The following IL15RA variants were observed in gnomAD, a reference collection of about 807,000 sequenced individuals.
IL15RA encodes the protein interleukin 15 receptor subunit alpha, also known as interleukin-15 receptor subunit alpha.
A neutral mutation model predicts 24.2 loss-of-function variants in IL15RA; 26 were observed. That is an observed-to-expected ratio of 1.07 (90% CI 0.79 to 1.49). The LOEUF (loss-of-function observed/expected upper bound fraction) is 1.49. Ranked by LOEUF, IL15RA falls within the 40% of genes most tolerant of loss-of-function variation. The pLI, the probability that IL15RA is intolerant of heterozygous loss-of-function variation, is 0.00. For missense variants in IL15RA, 354 were observed against 356.4 expected (o/e 0.99, Z 0.05); for synonymous variants, 166 against 157.6 (o/e 1.05, Z -0.40).
At chr10:5,976,291 T>TGGGGGGGGGGGGGGGGGG (rs983289122) in intron 1 of IL15RA, among the ~76,000 whole-genome samples, 1 of 106,358 alleles carries the variant, frequency 9.4e-6, no homozygotes, top group African/African-American at 3.6e-5. Flanking sequence ...TGGCAGAGGG[T>TGGGGGGGGGGGGGGGGGG]GGGGGGGCGT....
In IL15RA at chr10:5,962,210, C is replaced by T. The variant is rs1221037037; in HGVS notation, c.382+1533G>A. The stretch of plus-strand genomic sequence containing the variant: ...ATGGAGCCAGCCCCTCAACCCCTTC[C>T]TCCCTGTGCAGGTGACTCACTAGGA... On this transcript the variant is annotated intron_variant, in intron 3 of 6. Coordinates refer to ENST00000379977, the MANE Select transcript of IL15RA (RefSeq NM_002189.4). The surrounding 1 kb of genome is among the most constrained non-coding windows in gnomAD (Gnocchi z 5.2). Among the ~76,000 whole-genome samples, 1 of 152,192 alleles carries T rather than the reference C, an allele frequency of 6.6e-6. No homozygotes were observed. The highest frequency in any genetic ancestry group is 1.5e-5 in the Non-Finnish European group (1 of 68,036).
Position 5,953,008 on chromosome 10 carries a change from G to A in IL15RA, c.*87C>T, listed in dbSNP as rs1434684653. The A allele has an allele frequency of 7.1e-6, 7 of 990,594 alleles. No individual in the cohort carries two copies. The highest frequency in any genetic ancestry group is 1.1e-5 in the Non-Finnish European group (7 of 632,224). 61.4% of individuals were successfully genotyped at this position (990,594 alleles called of 1,614,324 possible). On this transcript the variant is annotated 3_prime_UTR_variant, in exon 7 of 7. Coordinates refer to ENST00000379977, the MANE Select transcript of IL15RA (RefSeq NM_002189.4). This position sits in a 1 kb window ranked among gnomAD's most constrained non-coding sequence, Gnocchi z 5.3. ...CCTGGTGAGCTTGCTCCTGGAGCCC[G>A]CTTCCTTGCACCTCTTCTCAGTCGT...
In IL15RA at chr10:5,955,605, A is replaced by T. The variant is rs1834402689; in HGVS notation, c.692+774T>A. Among the ~76,000 whole-genome samples, 1 of 152,236 alleles carries T rather than the reference A, an allele frequency of 6.6e-6. No homozygotes were observed. Among genetic ancestry groups the T allele is most frequent in the Non-Finnish European group, 1.5e-5 (1 of 68,040 alleles). On this transcript the variant is annotated intron_variant, in intron 6 of 6. Transcript: ENST00000379977. The surrounding 1 kb of genome is among the most constrained non-coding windows in gnomAD (Gnocchi z 5.3). ...CAAAGAATAATAATACTGCCTAAAG[A>T]TTAAAAAAATGAGAAAAATTAAAAA...
Position 5,973,626 on chromosome 10 carries a change from A to G in IL15RA, c.88+3779T>C, listed in dbSNP as rs1212051279. Among the ~76,000 whole-genome samples the G allele has an allele frequency of 6.6e-6, 1 of 152,234 alleles. No individual in the cohort carries two copies. The highest frequency in any genetic ancestry group is 1.5e-5 in the Non-Finnish European group (1 of 68,044). On this transcript the variant is annotated intron_variant, in intron 1 of 6. Coordinates refer to ENST00000379977, the MANE Select transcript of IL15RA (RefSeq NM_002189.4). The surrounding 1 kb of genome is among the most constrained non-coding windows in gnomAD (Gnocchi z 4.5). ...ATATATAGAAACAAACAAAATCCCA[A>G]AACAACCTTTAATTCATGCCTCACA...
intron 5 of IL15RA, among the ~76,000 whole-genome samples, chr10:5,957,121 G>A (rs1035957739): frequency 6.6e-6 from 1 of 151,720 alleles, no homozygotes; most frequent in Non-Finnish European, 1.5e-5. Context: ...CACCACGCCT[G>A]GCTAATTTTT....
At position 5,975,853 on chromosome 10, in the gene IL15RA, A is replaced by G. The variant is rs1323711588; in HGVS notation, c.88+1552T>C. 1.3e-5 allele frequency among the ~76,000 whole-genome samples: 2 copies of G among 152,190 alleles called. No individual in the cohort carries two copies. The highest frequency in any genetic ancestry group is 2.9e-5 in the Non-Finnish European group (2 of 68,030). On this transcript the variant is annotated intron_variant, in intron 1 of 6. Transcript: ENST00000379977. The surrounding 1 kb of genome is among the most constrained non-coding windows in gnomAD (Gnocchi z 4.8). ...GGTTGCAGTGAGCTGAGATCGCGCT[A>G]CTGCACCCCAGCCGGGGTGACAGAG... is the stretch of plus-strand genomic sequence containing the variant.
chr10:5,958,411 G>A lies in IL15RA; in HGVS notation c.616+1343C>T, dbSNP rs183346880. 5 of 404,266 alleles carry A rather than the reference G, an allele frequency of 1.2e-5. 1 individual carries two copies. Among genetic ancestry groups the A allele is most frequent in the South Asian group, 5.4e-5 (3 of 56,062 alleles). 25.0% of individuals were successfully genotyped at this position (404,266 alleles called of 1,614,324 possible). Reference sequence around the variant, plus strand: ...GCTTTTCGTCTTTTTTTTGAGACAGGGTCCTGTCCTGTTGCCCAGGCCAGA... The same window carrying A: ...GCTTTTCGTCTTTTTTTTGAGACAGAGTCCTGTCCTGTTGCCCAGGCCAGA... On this transcript the variant is annotated intron_variant, in intron 5 of 6. Coordinates refer to ENST00000379977, the MANE Select transcript of IL15RA (RefSeq NM_002189.4). The surrounding 1 kb of genome is among the most constrained non-coding windows in gnomAD (Gnocchi z 4.3).
chr10:5,976,130 G>T (rs576305816), intron 1 of IL15RA, among the ~76,000 whole-genome samples: 1 of 152,294 alleles, frequency 6.6e-6, no homozygotes, highest in East Asian at 1.9e-4. Context: ...TGCCCCAGTT[G>T]CCAGCTATGG....
Position 5,960,624 on chromosome 10 carries a change from C to T in IL15RA, c.383-57G>A. The T allele has an allele frequency of 2.7e-6, 4 of 1,466,536 alleles. No homozygotes were observed. The highest frequency in any genetic ancestry group is 1.9e-6 in the Non-Finnish European group (2 of 1,056,636). The allele number at this position is 1,466,536 out of a possible 1,614,324, so 90.8% of individuals were successfully genotyped here. A position where few individuals can be genotyped will look rare whatever the true frequency, so the allele number is the denominator to read the frequency against. The stretch of plus-strand genomic sequence containing the variant: ...AGTGTGCAGACTCCCCTCCTCTCAG[C>T]TGCAGCACGGGGTGATGTGGGAGCT... On this transcript the variant is annotated intron_variant, in intron 3 of 6. Transcript: ENST00000379977. The surrounding 1 kb of genome is among the most constrained non-coding windows in gnomAD (Gnocchi z 5.1).
Position 5,956,395 on chromosome 10 carries a change from A to G in IL15RA, c.676T>C (p.Cys226Arg), listed in dbSNP as rs770899865. 4 of 1,613,898 alleles carry G rather than the reference A, an allele frequency of 2.5e-6. No individual in the cohort carries two copies. The highest frequency in any genetic ancestry group is 1.3e-5 in the African/African-American group (1 of 75,044). The change falls in exon 6 of 7, where the codon TGC becomes CGC. Residue 226 changes from cysteine to arginine, a missense_variant. Transcript: ENST00000379977. ...GCAACTCACCTTGACTTGAGGTAGC[A>G]TGCCAGGAGAGACACAGCGCTCAGC... ...CGLSAVSLLA[C>R]YLKSRQTPPL...
At chr10:5,978,544 G>A (rs946844283), upstream of IL15RA, among the ~76,000 whole-genome samples, 25 of 152,136 alleles carry the variant, frequency 1.6e-4, no homozygotes, top group African/African-American at 6.0e-4. The surrounding 1 kb of genome is among the most constrained non-coding windows in gnomAD (Gnocchi z 5.2). Flanking sequence ...AATCCCCCAA[G>A]ACACAGGTTT....
In IL15RA at chr10:5,965,227, T is replaced by A. The variant is rs200266176; in HGVS notation, c.283+918A>T. Among the ~76,000 whole-genome samples, 1 of 149,376 alleles carries A rather than the reference T, an allele frequency of 6.7e-6. No homozygotes were observed. The highest frequency in any genetic ancestry group is 2.1e-4 in the South Asian group (1 of 4,710). ...GGACGTTTATCCAGGTGCAGACAGT[T>A]AAAAAAAAAAGTTGATTCTTGCCAC... On this transcript the variant is annotated intron_variant, in intron 2 of 6. Coordinates refer to ENST00000379977, the MANE Select transcript of IL15RA (RefSeq NM_002189.4). The surrounding 1 kb of genome is among the most constrained non-coding windows in gnomAD (Gnocchi z 5.8).
rs1220055096 is a variant in IL15RA at position 5,959,392 on chromosome 10, C to T, written c.616+362G>A. On this transcript the variant is annotated intron_variant, in intron 5 of 6. Transcript: ENST00000379977. This position sits in a 1 kb window ranked among gnomAD's most constrained non-coding sequence, Gnocchi z 4.1. ...CTGGAGAGGAATTGGCAGCTTCTGG[C>T]AGAGATGCTGTAACGTCAGTGCTGG... is the stretch of plus-strand genomic sequence containing the variant. 6.6e-6 allele frequency among the ~76,000 whole-genome samples: 1 copy of T among 152,092 alleles called. No homozygotes were observed. The highest frequency in any genetic ancestry group is 1.5e-5 in the Non-Finnish European group (1 of 68,016).
Position 5,964,419 on chromosome 10 carries a change from C to T in IL15RA, c.284-578G>A, listed in dbSNP as rs951565668. On this transcript the variant is annotated intron_variant, in intron 2 of 6. Coordinates refer to ENST00000379977, the MANE Select transcript of IL15RA (RefSeq NM_002189.4). This position sits in a 1 kb window ranked among gnomAD's most constrained non-coding sequence, Gnocchi z 5.6. ...TGGTCTCAAGAAATCCCTCCCATCT[C>T]GGCCTCCCAAAGTGCTGGGATTACA... Among the ~76,000 whole-genome samples, 5 of 152,142 alleles carry T rather than the reference C, an allele frequency of 3.3e-5. No individual in the cohort carries two copies. The East Asian group carries it at 5.8e-4, about 18-fold the overall frequency.
rs1202892467 is a variant in IL15RA, at chr10:5,975,493, T to C, written c.88+1912A>G. 2.0e-5 allele frequency among the ~76,000 whole-genome samples: 3 copies of C among 151,054 alleles called. No individual in the cohort carries two copies. The highest frequency in any genetic ancestry group is 4.4e-5 in the Non-Finnish European group (3 of 68,008). On this transcript the variant is annotated intron_variant, in intron 1 of 6. Coordinates refer to ENST00000379977, the MANE Select transcript of IL15RA (RefSeq NM_002189.4). This position sits in a 1 kb window ranked among gnomAD's most constrained non-coding sequence, Gnocchi z 4.8. ...ACTCTTGGTGGTGGCAGTGGTTTCATGAGTATGTATGCATTTACCTCCAAA... is the reference window on the plus strand; with the variant it reads ...ACTCTTGGTGGTGGCAGTGGTTTCACGAGTATGTATGCATTTACCTCCAAA...
intron 6 of IL15RA, among the ~76,000 whole-genome samples, chr10:5,954,186 T>TCTC (rs530226699): frequency 7.2e-6 from 1 of 138,150 alleles, no homozygotes. Context: ...TTTTTTTTTT[T>TCTC]TCTGAGACAG....
rs1232989031 is a variant in IL15RA at position 5,975,262 on chromosome 10, T to C, written c.88+2143A>G. Among the ~76,000 whole-genome samples the C allele has an allele frequency of 6.6e-6, 1 of 152,240 alleles. No individual in the cohort carries two copies. The highest frequency in any genetic ancestry group is 1.5e-5 in the Non-Finnish European group (1 of 68,044). On this transcript the variant is annotated intron_variant, in intron 1 of 6. Transcript: ENST00000379977. This position sits in a 1 kb window ranked among gnomAD's most constrained non-coding sequence, Gnocchi z 4.8. ...ACTACTACTCAATGGTAGAAACTAATGAACTACTTATACAAATTACAACAT... is the reference window on the plus strand; with the variant it reads ...ACTACTACTCAATGGTAGAAACTAACGAACTACTTATACAAATTACAACAT...
chr10:5,958,153 G>A lies in IL15RA; in HGVS notation c.616+1601C>T. On this transcript the variant is annotated intron_variant, in intron 5 of 6. Transcript: ENST00000379977. The surrounding 1 kb of genome is among the most constrained non-coding windows in gnomAD (Gnocchi z 4.3). Reference sequence around the variant, plus strand: ...GGAATTCCATACAGTGGAATATTCTGTAGCTGTTAAAAACGATGAGATGGT... The same window carrying A: ...GGAATTCCATACAGTGGAATATTCTATAGCTGTTAAAAACGATGAGATGGT... 1 of 318,352 alleles carries A rather than the reference G, an allele frequency of 3.1e-6. No individual in the cohort carries two copies. Among genetic ancestry groups the A allele is most frequent in the Non-Finnish European group, 6.4e-6 (1 of 156,170 alleles). The allele number at this position is 318,352 out of a possible 1,614,324, so 19.7% of individuals were successfully genotyped here.
At chr10:5,954,575 T>C (rs796946853) in intron 6 of IL15RA, among the ~76,000 whole-genome samples, 10 of 152,338 alleles carry the variant, frequency 6.6e-5, no homozygotes, top group African/African-American at 2.4e-4. Flanking sequence ...ATTACAGGCA[T>C]AAGCCACCAT....
Sources: allele counts gnomAD v4.1 joint callset (sites outside exome capture counted in the v4.1 genomes callset), GRCh38; gene constraint gnomAD v4.1.1; non-coding constraint Gnocchi (gnomAD v3.1); transcripts MANE v1.5; gene names NCBI Gene and HGNC (gene_info 2026-07-23, HGNC 2026-07-21).